The following SLIT2 variants were observed in gnomAD, a reference collection of about 807,000 sequenced individuals.
The protein encoded by SLIT2 is slit guidance ligand 2.
A neutral mutation model predicts 185.7 loss-of-function variants in SLIT2; 41 were observed. That is an observed-to-expected ratio of 0.22 (90% CI 0.17 to 0.29). The LOEUF (loss-of-function observed/expected upper bound fraction) is 0.29, where lower values mean the gene tolerates loss of function less well. Ranked by LOEUF, SLIT2 falls within the 10% of genes least tolerant of loss-of-function variation. The pLI, the probability that SLIT2 is intolerant of heterozygous loss-of-function variation, is 1.00. For missense variants in SLIT2, 1,571 were observed against 1,909.0 expected, an observed-to-expected ratio of 0.82 and a Z score of 3.30; for synonymous variants, 693 against 680.2, an observed-to-expected ratio of 1.02 and a Z score of -0.29.
At chr4:20,309,096 G>A (rs549912595) in intron 4 of SLIT2, among the ~76,000 whole-genome samples, 2 of 152,112 alleles carry the variant, frequency 1.3e-5, no homozygotes, top group African/African-American at 4.8e-5. Flanking sequence ...TTGTAAACCA[G>A]TTTCCTTGGG....
rs988180440 is a variant in SLIT2, at chr4:20,254,986, G to A, written c.179+992G>A. ...TGACGGCCCACGCGCTCCTGATGAG[G>A]CGCTTCCAGAGTTCAGCGAAGTGGA... is the stretch of plus-strand genomic sequence containing the variant. On this transcript the variant is annotated intron_variant, in intron 1 of 36. Coordinates refer to ENST00000504154, the MANE Select transcript of SLIT2 (RefSeq NM_004787.4). This position sits in a 1 kb window ranked among gnomAD's most constrained non-coding sequence, Gnocchi z 5.1. 5 of 456,192 alleles carry A rather than the reference G, an allele frequency of 1.1e-5. No homozygotes were observed. Among genetic ancestry groups the A allele is most frequent in the Non-Finnish European group, 1.8e-5 (4 of 226,992 alleles). 28.3% of individuals were successfully genotyped at this position (456,192 alleles called of 1,614,324 possible).
chr4:20,529,754 T>G (rs1358760165), intron 16 of SLIT2, among the ~76,000 whole-genome samples: 1 of 152,218 alleles, frequency 6.6e-6, no homozygotes, highest in African/African-American at 2.4e-5. Context: ...ACTGACTTTA[T>G]TTATAAGAAG....
intron 4 of SLIT2, among the ~76,000 whole-genome samples, chr4:20,404,654 A>T (rs1245683234): frequency 6.6e-6 from 1 of 152,040 alleles, no homozygotes; most frequent in Non-Finnish European, 1.5e-5. Context: ...AACAAGGGGA[A>T]ATCTTGCCCA....
intron 4 of SLIT2, among the ~76,000 whole-genome samples, chr4:20,448,569 C>A (rs555093937): frequency 1.3e-5 from 2 of 152,258 alleles, no homozygotes; most frequent in African/African-American, 2.4e-5. Context: ...GATCCACCCA[C>A]CTCAGCCTCC....
chr4:20,551,745 G>T (rs1723774259), intron 25 of SLIT2, among the ~76,000 whole-genome samples: 1 of 152,018 alleles, frequency 6.6e-6, no homozygotes, highest in African/African-American at 2.4e-5. Context: ...TCCTGGTTTT[G>T]CACTTCTCTC....
intron 4 of SLIT2, among the ~76,000 whole-genome samples, chr4:20,377,491 T>C (rs1354733523): frequency 6.6e-6 from 1 of 152,152 alleles, no homozygotes; most frequent in East Asian, 1.9e-4. Flanking sequence ...GAGTTATAAG[T>C]AGGGATCCAT....
chr4:20,291,492 ATTTTTTTTTTTTTTTTTTTT>A (rs1157453738), intron 4 of SLIT2, among the ~76,000 whole-genome samples: 44 of 18,254 alleles, frequency 2.4e-3, no homozygotes, highest in South Asian at 0.012. Context: ...ATATATATAT[ATTTTTTTTTTTTTTTTTTTT>A]TTTTTTTTTT....
intron 4 of SLIT2, among the ~76,000 whole-genome samples, chr4:20,343,121 C>T (rs1410615159): frequency 6.6e-6 from 1 of 152,018 alleles, no homozygotes; most frequent in African/African-American, 2.4e-5. Flanking sequence ...TTGTTAGCTA[C>T]TAACACTTAT....
Position 20,545,906 on chromosome 4 carries a change from C to T in SLIT2, c.2277-125C>T, listed in dbSNP as rs1025892351. 16 of 463,288 alleles carry T rather than the reference C, an allele frequency of 3.5e-5. No homozygotes were observed. In the South Asian group the frequency reaches 4.4e-4, roughly 13 times the overall value. The allele number at this position is 463,288 out of a possible 1,614,324, so 28.7% of individuals were successfully genotyped here. The stretch of plus-strand genomic sequence containing the variant: ...TAAATAATAATCCATGCTTGGAACA[C>T]GACATCTTAAAGCAAAAATTGCCAA... On this transcript the variant is annotated intron_variant, in intron 21 of 36. Coordinates refer to ENST00000504154, the MANE Select transcript of SLIT2 (RefSeq NM_004787.4).
At chr4:20,541,210 C>T (rs971945005) in intron 19 of SLIT2, among the ~76,000 whole-genome samples, 5 of 151,974 alleles carry the variant, frequency 3.3e-5, no homozygotes, top group Admixed American at 3.3e-4. Context: ...TGCATGAAAT[C>T]ATGTGAAGAA....
At chr4:20,591,406 T>C (rs901358279) in intron 30 of SLIT2, among the ~76,000 whole-genome samples, 4 of 152,178 alleles carry the variant, frequency 2.6e-5, no homozygotes, top group Non-Finnish European at 4.4e-5. Context: ...TCTCAAGCTT[T>C]CTTTTGACAA....
intron 25 of SLIT2, among the ~76,000 whole-genome samples, chr4:20,551,774 A>G (rs1056518496): frequency 2.6e-5 from 4 of 152,202 alleles, no homozygotes; most frequent in African/African-American, 2.4e-5. Flanking sequence ...ACAAACTCCA[A>G]GAAGATACGA....
chr4:20,331,342 AC>A (rs1720051635), intron 4 of SLIT2, among the ~76,000 whole-genome samples: 1 of 152,160 alleles, frequency 6.6e-6, no homozygotes, highest in Non-Finnish European at 1.5e-5. Flanking sequence ...ATATTCGTTT[AC>A]AAAAGAAGTG....
chr4:20,285,593 G>A (rs1167129490), intron 4 of SLIT2, among the ~76,000 whole-genome samples: 1 of 152,010 alleles, frequency 6.6e-6, no homozygotes, highest in African/African-American at 2.4e-5. Flanking sequence ...GCTCTGTTAT[G>A]CAGGGAGTGC....
intron 19 of SLIT2, 80 bp from the exon 20 acceptor site, chr4:20,541,373 G>C: frequency 8.1e-7 from 1 of 1,227,152 alleles, no homozygotes; most frequent in Non-Finnish European, 1.2e-6. Context: ...AAATAGCGTG[G>C]AGAAGGGTAG....
intron 4 of SLIT2, among the ~76,000 whole-genome samples, chr4:20,386,929 G>T: frequency 6.6e-6 from 1 of 152,148 alleles, no homozygotes; most frequent in East Asian, 1.9e-4. Context: ...TAACTTCTCA[G>T]CCTCTTATGC....
chr4:20,509,412 T>C (rs1719501789), intron 9 of SLIT2, among the ~76,000 whole-genome samples: 1 of 151,748 alleles, frequency 6.6e-6, no homozygotes, highest in Admixed American at 6.6e-5. Flanking sequence ...CAACAGAAAG[T>C]AAAATTAGGA....
At chr4:20,617,366 C>T in intron 35 of SLIT2, 73 bp from the exon 36 acceptor site, 1 of 1,469,148 alleles carries the variant, frequency 6.8e-7, no homozygotes, top group Non-Finnish European at 9.4e-7. Flanking sequence ...ATCCTCCATT[C>T]TTATATCACC....
At chr4:20,402,325 A>G (rs1356083176) in intron 4 of SLIT2, among the ~76,000 whole-genome samples, 1 of 151,934 alleles carries the variant, frequency 6.6e-6, no homozygotes, top group African/African-American at 2.4e-5. Context: ...AGCCAGAATA[A>G]AAAACAAAGT....
Sources: allele counts gnomAD v4.1 joint callset (sites outside exome capture counted in the v4.1 genomes callset), GRCh38; gene constraint gnomAD v4.1.1; non-coding constraint Gnocchi (gnomAD v3.1); transcripts MANE v1.5; gene names NCBI Gene and HGNC (gene_info 2026-07-23, HGNC 2026-07-21).